ADGRL2: variants seen among roughly 807,000 people sequenced by gnomAD.
The protein encoded by ADGRL2 is calcium-independent alpha-latrotoxin receptor 2.
ADGRL2 carries 44 observed loss-of-function variants against 157.4 expected under a neutral mutation model. That is an observed-to-expected ratio of 0.28 (90% CI 0.22 to 0.36). The LOEUF is 0.36. ADGRL2 is among the 10% of genes least tolerant of loss of function. The probability of loss-of-function intolerance (pLI) is 1.00; values close to 1 mark genes in which losing one functional copy is unlikely to be tolerated. For synonymous variants in ADGRL2, 585 were observed against 624.7 expected, an observed-to-expected ratio of 0.94 and a Z score of 0.95; for missense variants, 1,510 against 1,768.9, an observed-to-expected ratio of 0.85 and a Z score of 2.63.
At chr1:81,543,262 G>C (rs1282499795) in intron 2 of ADGRL2, among the ~76,000 whole-genome samples, 4 of 147,830 alleles carry the variant, frequency 2.7e-5, no homozygotes, top group Non-Finnish European at 5.9e-5. Flanking sequence ...TGTGAGGGCA[G>C]AGCCCTCACG....
At chr1:81,974,996 TG>T (rs1440211510) in intron 17 of ADGRL2, among the ~76,000 whole-genome samples, 1 of 151,998 alleles carries the variant, frequency 6.6e-6, no homozygotes, top group African/African-American at 2.4e-5. Context: ...TCTTTTTGGC[TG>T]AATAAGGATT....
At chr1:81,581,064 G>A (rs2080896846) in intron 3 of ADGRL2, 1 of 152,052 alleles carries the variant, frequency 6.6e-6, no homozygotes, top group Non-Finnish European at 1.5e-5. Context: ...ATTCCAATAT[G>A]CTCCTTTTGT....
chr1:81,456,882 T>C (rs1422635839), intron 2 of ADGRL2, among the ~76,000 whole-genome samples: 1 of 152,060 alleles, frequency 6.6e-6, no homozygotes, highest in African/African-American at 2.4e-5. Context: ...CTTCCTCTCT[T>C]TTTCTTTTCT....
At chr1:81,845,083 A>G (rs143295205) in intron 2 of ADGRL2, among the ~76,000 whole-genome samples, 129 of 152,260 alleles carry the variant, frequency 8.5e-4, no homozygotes, top group African/African-American at 3.0e-3. Context: ...CAAATTATGT[A>G]TAAATACAAA....
chr1:81,351,732 T>G (rs1662905479), intron 1 of ADGRL2, among the ~76,000 whole-genome samples: 1 of 152,364 alleles, frequency 6.6e-6, no homozygotes, highest in East Asian at 1.9e-4. Context: ...ATGTTTTTAG[T>G]GCTTACATTT....
intron 22 of ADGRL2, 29 bp downstream of exon 22, chr1:81,987,058 T>G: frequency 1.2e-6 from 2 of 1,606,934 alleles, no homozygotes; most frequent in Non-Finnish European, 8.5e-7. Context: ...TAAAACTACC[T>G]TTCTTTGCTG....
intron 1 of ADGRL2, among the ~76,000 whole-genome samples, chr1:81,433,341 C>T (rs72940904): frequency 0.013 from 1,934 of 152,264 alleles, 28 homozygotes; most frequent in East Asian, 0.04. Context: ...TCTTAAGATT[C>T]CAATCCACAA....
At chr1:81,594,423 T>C (rs2081192418) in intron 3 of ADGRL2, among the ~76,000 whole-genome samples, 1 of 152,242 alleles carries the variant, frequency 6.6e-6, no homozygotes, top group South Asian at 2.1e-4. Flanking sequence ...ATGCTTTGGA[T>C]AAGTCAAGTT....
chr1:81,914,963 G>A (rs1032613818), intron 3 of ADGRL2, among the ~76,000 whole-genome samples: 1 of 152,166 alleles, frequency 6.6e-6, no homozygotes, highest in Non-Finnish European at 1.5e-5. Flanking sequence ...TTCACATTTA[G>A]TGTGCAAGAA....
chr1:81,644,145 G>A (rs1376319096), intron 3 of ADGRL2, among the ~76,000 whole-genome samples: 2 of 152,118 alleles, frequency 1.3e-5, no homozygotes, highest in Non-Finnish European at 2.9e-5. Flanking sequence ...CTCAACAAAT[G>A]GCGCTGAACA....
At chr1:81,713,050 G>A (rs974741550) in intron 1 of ADGRL2, among the ~76,000 whole-genome samples, 12 of 152,158 alleles carry the variant, frequency 7.9e-5, no homozygotes, top group Admixed American at 7.2e-4. Context: ...GAGCCACCAT[G>A]CCCGGCTTGA....
At chr1:81,942,459 A>G (rs11163395) in intron 5 of ADGRL2, among the ~76,000 whole-genome samples, 27,373 of 151,672 alleles carry the variant, frequency 0.18, 3,241 homozygotes, top group East Asian at 0.63. Context: ...CCAAATACTT[A>G]TGTTCCTCAA....
chr1:81,565,928 G>C (rs1345662901), intron 2 of ADGRL2, among the ~76,000 whole-genome samples: 1 of 152,150 alleles, frequency 6.6e-6, no homozygotes, highest in Non-Finnish European at 1.5e-5. Flanking sequence ...ACCTTGGAAG[G>C]TGATGCGATT....
chr1:81,528,751 A>G (rs895173570), intron 2 of ADGRL2, among the ~76,000 whole-genome samples: 1 of 152,180 alleles, frequency 6.6e-6, no homozygotes, highest in Non-Finnish European at 1.5e-5. Context: ...TAAAGACTCA[A>G]TAAACATCTA....
chr1:81,429,138 CTTT>C (rs60847229), intron 1 of ADGRL2, among the ~76,000 whole-genome samples: 1 of 147,820 alleles, frequency 6.8e-6, no homozygotes, highest in Non-Finnish European at 1.5e-5. Context: ...TCAAAAGCAG[CTTT>C]TTTTTTTTTT....
At chr1:81,578,271 C>CAGAG (rs2080835970) in intron 2 of ADGRL2, among the ~76,000 whole-genome samples, 1 of 152,088 alleles carries the variant, frequency 6.6e-6, no homozygotes, top group African/African-American at 2.4e-5. Flanking sequence ...ATAGGAAGAT[C>CAGAG]AGAGAGAACG....
intron 1 of ADGRL2, among the ~76,000 whole-genome samples, chr1:81,371,046 G>C (rs2076152616): frequency 6.6e-6 from 1 of 152,112 alleles, no homozygotes; most frequent in Non-Finnish European, 1.5e-5. Context: ...GTGTACCCAA[G>C]TGAGGCAGAC....
chr1:81,428,799 C>T (rs2077267391), intron 1 of ADGRL2, among the ~76,000 whole-genome samples: 1 of 152,002 alleles, frequency 6.6e-6, no homozygotes. Context: ...GGAGAAACTT[C>T]GCTTGGTCAA....
intron 2 of ADGRL2, among the ~76,000 whole-genome samples, chr1:81,531,070 C>G (rs1312093994): frequency 2.2e-5 from 3 of 138,630 alleles, no homozygotes; most frequent in East Asian, 4.3e-4. Flanking sequence ...GGTAACAGAG[C>G]AAGACTCTGT....
Sources: gnomAD v4.1 joint callset for allele counts (sites outside exome capture counted in the v4.1 genomes callset) on GRCh38, gnomAD v4.1.1 for gene constraint, MANE v1.5 for transcripts, NCBI Gene and HGNC (gene_info 2026-07-23, HGNC 2026-07-21) for gene names.